The following DNAJA4 variants were observed in gnomAD, a reference collection of about 807,000 sequenced individuals.
The protein encoded by DNAJA4 is dnaJ homolog subfamily A member 4.
DNAJA4 carries 32 observed loss-of-function variants against 39.7 expected under a neutral mutation model. The observed-to-expected ratio is 0.81, with a 90% CI of 0.61 to 1.08. DNAJA4 has a LOEUF of 1.08. Ranked by LOEUF, DNAJA4 falls within the 50% of genes least tolerant of loss-of-function variation. DNAJA4 has a pLI of 0.00. For missense variants in DNAJA4, 439 were observed against 505.1 expected, an observed-to-expected ratio of 0.87 and a Z score of 1.25; for synonymous variants, 184 against 182.4, an observed-to-expected ratio of 1.01 and a Z score of -0.07.
In DNAJA4 at chr15:78,280,312, C is replaced by G. The variant is rs1453119808; in HGVS notation, c.1046C>G (p.Pro349Arg). Residue 349 changes from proline to arginine, a missense_variant, in exon 7 of 7, where the codon CCT becomes CGT. Coordinates refer to ENST00000394852, the MANE Select transcript of DNAJA4 (RefSeq NM_001130182.2). ...KLPQLEALLPPRQKVRITDDM... is the reference protein window; with the variant it reads ...KLPQLEALLPRRQKVRITDDM... ...CCTCAGCTGGAAGCTTTACTCCCTC[C>G]TCGACAGAAAGTGAGGATTACAGAT... The G allele has an allele frequency of 8.1e-6, 13 of 1,614,132 alleles. No homozygotes were observed. The highest frequency in any genetic ancestry group is 3.3e-5 in the Admixed American group (2 of 60,012).
At chr15:78,264,293 C>A, upstream of DNAJA4, 1 of 1,373,842 alleles carries the variant, frequency 7.3e-7, no homozygotes. Flanking sequence ...CAGGCCCAAG[C>A]CGCCTTCTCC....
At chr15:78,273,288 A>G (rs2049354139) in intron 3 of DNAJA4, 89 bp downstream of exon 3, 7 of 851,262 alleles carry the variant, frequency 8.2e-6, no homozygotes, top group Non-Finnish European at 1.3e-5. Context: ...AAAATAAGTT[A>G]TCTTTTTTCA....
At chr15:78,271,091 A>G (rs998098354) in intron 2 of DNAJA4, among the ~76,000 whole-genome samples, 6 of 152,082 alleles carry the variant, frequency 3.9e-5, no homozygotes, top group Non-Finnish European at 8.8e-5. Context: ...ACCAGGTACA[A>G]TTGCCATGTT....
At chr15:78,267,290 T>G (rs954762944) in intron 1 of DNAJA4, among the ~76,000 whole-genome samples, 14 of 152,140 alleles carry the variant, frequency 9.2e-5, no homozygotes, top group African/African-American at 3.4e-4. Context: ...GTCACTGTAT[T>G]ATTAACGTCT....
In DNAJA4 at chr15:78,265,915, T is replaced by G. The variant is rs1276242219; in HGVS notation, c.132+1020T>G. 7 of 592,922 alleles carry G rather than the reference T, an allele frequency of 1.2e-5. No homozygotes were observed. In the East Asian group the frequency reaches 2.0e-4, roughly 17 times the overall value. The allele number at this position is 592,922 out of a possible 1,614,324, so 36.7% of individuals were successfully genotyped here. A position where few individuals can be genotyped will look rare whatever the true frequency, so the allele number is the denominator to read the frequency against. ...CTGGAATCAAAATACCTGTCTGTGT[T>G]AGTTGTTCCAAGCTGGAGAAAGCTA... On this transcript the variant is annotated intron_variant, in intron 1 of 6. Coordinates refer to ENST00000394852, the MANE Select transcript of DNAJA4 (RefSeq NM_001130182.2).
chr15:78,266,271 G>A (rs2049120164), intron 1 of DNAJA4: 10 of 1,613,984 alleles, frequency 6.2e-6, no homozygotes, highest in Non-Finnish European at 8.5e-6. Context: ...CTGGATTCAG[G>A]TCAAATCTCA....
Position 78,280,080 on chromosome 15 carries a change from C to T in DNAJA4, c.913C>T (p.Arg305Cys), listed in dbSNP as rs141600338. The change falls in exon 6 of 7, where the codon CGC (arginine) becomes TGC (cysteine). Residue 305 changes from arginine to cysteine, a missense_variant. Transcript: ENST00000394852. ...VIKHGDLRCV[R>C]DEGMPIYKAP... ...AAAGCACGGGGACCTGAGATGCGTGCGCGATGAAGGAATGCCCATCTACAA... is the reference window on the plus strand; with the variant it reads ...AAAGCACGGGGACCTGAGATGCGTGTGCGATGAAGGAATGCCCATCTACAA... 1.7e-5 allele frequency: 27 copies of T among 1,614,032 alleles called. No individual in the cohort carries two copies. Among genetic ancestry groups the T allele is most frequent in the African/African-American group, 1.3e-4 (10 of 74,898 alleles).
At chr15:78,264,426 G>A, upstream of DNAJA4, 16 of 1,358,596 alleles carry the variant, frequency 1.2e-5, no homozygotes, top group Non-Finnish European at 1.4e-5. Flanking sequence ...ACGGGCGTCG[G>A]GGGTCTGGGC....
rs1025132718 is a variant in DNAJA4, at chr15:78,264,572, A to T, written c.-192A>T. On this transcript the variant is annotated 5_prime_UTR_variant, in exon 1 of 7. Transcript: ENST00000394852. ...GGAGCCGGTGGCTCTAGTGCGGTGG[A>T]GCCAGGCGTGGAAGTCGGTCCGGCG... 8.4e-7 allele frequency: 1 copy of T among 1,185,394 alleles called. No homozygotes were observed. Among genetic ancestry groups the T allele is most frequent in the Admixed American group, 4.5e-5 (1 of 22,208 alleles). The allele number at this position is 1,185,394 out of a possible 1,614,324, so 73.4% of individuals were successfully genotyped here. A position where few individuals can be genotyped will look rare whatever the true frequency, so the allele number is the denominator to read the frequency against.
chr15:78,280,489 G>A lies in DNAJA4; in HGVS notation c.*29G>A, dbSNP rs2049626964. 4.5e-6 allele frequency: 7 copies of A among 1,555,286 alleles called. No homozygotes were observed. Among genetic ancestry groups the A allele is most frequent in the African/African-American group, 4.1e-5 (3 of 73,874 alleles). On this transcript the variant is annotated 3_prime_UTR_variant, in exon 7 of 7. Coordinates refer to ENST00000394852, the MANE Select transcript of DNAJA4 (RefSeq NM_001130182.2). Reference sequence around the variant, plus strand: ...GGTGCGGGGCAGCGTGGCCCCACCGGACTAGCACATGATGAATGTAAAGTT... The same window carrying A: ...GGTGCGGGGCAGCGTGGCCCCACCGAACTAGCACATGATGAATGTAAAGTT...
rs1188508597 is a variant in DNAJA4, at chr15:78,279,943, G to A, written c.878-102G>A. 1.8e-6 allele frequency: 2 copies of A among 1,101,946 alleles called. No individual in the cohort carries two copies. Among genetic ancestry groups the A allele is most frequent in the Non-Finnish European group, 2.7e-6 (2 of 752,604 alleles). 68.3% of individuals were successfully genotyped at this position (1,101,946 alleles called of 1,614,324 possible). A position where few individuals can be genotyped will look rare whatever the true frequency, so the allele number is the denominator to read the frequency against. ...AGATGCCACGTTTCCTTTGCCCACT[G>A]CCACGGGGCACTAGGGCCTGCCGCA... On this transcript the variant is annotated intron_variant, in intron 5 of 6. Coordinates refer to ENST00000394852, the MANE Select transcript of DNAJA4 (RefSeq NM_001130182.2). The surrounding 1 kb of genome is among the most constrained non-coding windows in gnomAD (Gnocchi z 4.5).
intron 1 of DNAJA4, among the ~76,000 whole-genome samples, chr15:78,268,748 ATGCCAGGCATGG>A (rs1446143991): frequency 2.6e-5 from 4 of 152,216 alleles, no homozygotes; most frequent in Non-Finnish European, 2.9e-5. Flanking sequence ...TGCCTTCTAC[ATGCCAGGCATGG>A]TTCCAGGCTC....
intron 5 of DNAJA4, 114 bp downstream of exon 5, chr15:78,275,842 A>G: frequency 1.4e-6 from 1 of 727,296 alleles, no homozygotes; most frequent in Non-Finnish European, 2.2e-6. Flanking sequence ...GATGGGGTGC[A>G]TGTGATACTT....
intron 1 of DNAJA4, among the ~76,000 whole-genome samples, chr15:78,267,465 G>GT (rs71148512): frequency 0.43 from 63,355 of 147,866 alleles, 13,649 homozygotes; most frequent in East Asian, 0.58. Flanking sequence ...CTCTGCGGGT[G>GT]TTTTTTTTTT....
At position 78,280,487 on chromosome 15, in the gene DNAJA4, C is replaced by G; in HGVS notation, c.*27C>G. 1.9e-6 allele frequency: 3 copies of G among 1,555,480 alleles called. No homozygotes were observed. The highest frequency in any genetic ancestry group is 2.6e-6 in the Non-Finnish European group (3 of 1,142,384). On this transcript the variant is annotated 3_prime_UTR_variant, in exon 7 of 7. Transcript: ENST00000394852. ...GTGGTGCGGGGCAGCGTGGCCCCAC[C>G]GGACTAGCACATGATGAATGTAAAG... is the stretch of plus-strand genomic sequence containing the variant.
At chr15:78,274,520 G>A (rs761290732) in intron 4 of DNAJA4, 96 bp downstream of exon 4, 2 of 1,061,420 alleles carry the variant, frequency 1.9e-6, no homozygotes, top group Non-Finnish European at 2.8e-6. Flanking sequence ...GAAGTGAGCT[G>A]TATCACAACA....
Position 78,270,664 on chromosome 15 carries a change from T to TAG in DNAJA4, c.308_309dup (p.Arg104GlufsTer12). On this transcript the variant is annotated frameshift_variant, in exon 2 of 7. Transcript: ENST00000394852. LOFTEE classifies it high-confidence loss of function. Reference sequence around the variant, plus strand: ...TCTTTGGTGGTGGTGGACGGATGGCTAGAGAGAGAAGAGGTAAATGCTTTT... The same window carrying TAG: ...TCTTTGGTGGTGGTGGACGGATGGCTAGAGAGAGAGAAGAGGTAAATGCTTTT... 6.2e-7 allele frequency: 1 copy of TAG among 1,613,562 alleles called. No individual in the cohort carries two copies.
At chr15:78,274,461 G>T in intron 4 of DNAJA4, 37 bp downstream of exon 4, 1 of 1,589,312 alleles carries the variant, frequency 6.3e-7, no homozygotes, top group Non-Finnish European at 8.6e-7. Context: ...ACACGGGCTG[G>T]AAATGCTGTC....
In DNAJA4 at chr15:78,280,157, A is replaced by G. The variant is rs759674662; in HGVS notation, c.978+12A>G. The G allele has an allele frequency of 6.2e-6, 10 of 1,613,576 alleles. No homozygotes were observed. The highest frequency in any genetic ancestry group is 2.2e-5 in the East Asian group (1 of 44,882). On this transcript the variant is annotated intron_variant, in intron 6 of 6. Coordinates refer to ENST00000394852, the MANE Select transcript of DNAJA4 (RefSeq NM_001130182.2). The stretch of plus-strand genomic sequence containing the variant: ...TCATACAGTTTTTAGTAAGTTCACT[A>G]TGTTTCATTGTCATGGACATATTAT...
Sources: allele counts gnomAD v4.1 joint callset (sites outside exome capture counted in the v4.1 genomes callset), GRCh38; gene constraint gnomAD v4.1.1; non-coding constraint Gnocchi (gnomAD v3.1); transcripts MANE v1.5; gene names NCBI Gene and HGNC (gene_info 2026-07-23, HGNC 2026-07-21).